Variants in TCFL5 observed in about 807,000 individuals in gnomAD.
The protein encoded by TCFL5 is transcription factor like 5.
In TCFL5, 9 loss-of-function variants were observed where a neutral mutation model predicts 44.3. The observed-to-expected ratio is 0.20, with a 90% CI of 0.12 to 0.35. TCFL5 has a LOEUF of 0.35. Ranked by LOEUF, TCFL5 falls within the 10% of genes least tolerant of loss-of-function variation. TCFL5 has a pLI of 1.00. For missense variants in TCFL5, 603 were observed against 613.4 expected, an observed-to-expected ratio of 0.98 and a Z score of 0.18; for synonymous variants, 319 against 271.6, an observed-to-expected ratio of 1.17 and a Z score of -1.72.
chr20:62,859,977 G>T, intron 2 of TCFL5, 148 bp downstream of exon 2: 1 of 756,304 alleles, frequency 1.3e-6, no homozygotes, highest in East Asian at 2.6e-5. Context: ...CCAAAGTGCT[G>T]GGATTACAGG....
At chr20:62,844,186 G>A (rs73918821) in intron 5 of TCFL5, among the ~76,000 whole-genome samples, 282 of 152,230 alleles carry the variant, frequency 1.9e-3, no homozygotes, top group African/African-American at 6.4e-3. Flanking sequence ...CACCCCCAGC[G>A]GCAAAGCACA....
Position 62,861,690 on chromosome 20 carries a change from A to G in TCFL5, c.-20T>C, listed in dbSNP as rs1399329558. 4.1e-6 allele frequency: 1 copy of G among 243,700 alleles called. No individual in the cohort carries two copies. The highest frequency in any genetic ancestry group is 2.4e-5 in the African/African-American group (1 of 41,594). The allele number at this position is 243,700 out of a possible 1,614,324, so 15.1% of individuals were successfully genotyped here. A position where few individuals can be genotyped will look rare whatever the true frequency, so the allele number is the denominator to read the frequency against. Reference sequence around the variant, plus strand: ...CGACATGGCGGCGCGGCGCGGCCCAACGGCGGCGAGGGCGACGCGGGCGGC... The same window carrying G: ...CGACATGGCGGCGCGGCGCGGCCCAGCGGCGGCGAGGGCGACGCGGGCGGC... On this transcript the variant is annotated 5_prime_UTR_variant, in exon 1 of 6. Transcript: ENST00000335351. The surrounding 1 kb of genome is among the most constrained non-coding windows in gnomAD (Gnocchi z 4.0).
chr20:62,857,705 T>A (rs1343844296), intron 3 of TCFL5, 67 bp from the exon 4 acceptor site: 1 of 1,550,764 alleles, frequency 6.4e-7, no homozygotes, highest in Non-Finnish European at 8.7e-7. Flanking sequence ...CTGAATACAG[T>A]TTTGGCCTTT....
At chr20:62,850,278 T>C (rs1260736990) in intron 5 of TCFL5, among the ~76,000 whole-genome samples, 2 of 152,150 alleles carry the variant, frequency 1.3e-5, no homozygotes, top group South Asian at 2.1e-4. Flanking sequence ...CTATGTTCAC[T>C]AGAAAACGAA....
Position 62,842,849 on chromosome 20 carries a change from A to G in TCFL5, c.1381-752T>C, listed in dbSNP as rs1335530926. Among the ~76,000 whole-genome samples the G allele has an allele frequency of 6.6e-6, 1 of 152,232 alleles. No individual in the cohort carries two copies. The highest frequency in any genetic ancestry group is 1.5e-5 in the Non-Finnish European group (1 of 68,042). On this transcript the variant is annotated intron_variant, in intron 5 of 5. Coordinates refer to ENST00000335351, the MANE Select transcript of TCFL5 (RefSeq NM_006602.4). This position sits in a 1 kb window ranked among gnomAD's most constrained non-coding sequence, Gnocchi z 4.3. The stretch of plus-strand genomic sequence containing the variant: ...CCAGGGCGACTGCCTTGCCCTCTGC[A>G]CTGCCACACACTCAGGGTTCCAAGG...
intron 4 of TCFL5, among the ~76,000 whole-genome samples, chr20:62,855,573 C>G (rs1432615742): frequency 6.6e-6 from 1 of 152,152 alleles, no homozygotes; most frequent in African/African-American, 2.4e-5. Context: ...TCGAGACCAG[C>G]CTGACCAACA....
intron 5 of TCFL5, chr20:62,852,863 A>C (rs1304146400): frequency 7.8e-7 from 1 of 1,289,404 alleles, no homozygotes; most frequent in African/African-American, 1.5e-5. Context: ...ATGTTCACCC[A>C]GTCCATGGAA....
At chr20:62,858,769 G>A (rs2063936429) in intron 3 of TCFL5, among the ~76,000 whole-genome samples, 1 of 84,990 alleles carries the variant, frequency 1.2e-5, no homozygotes, top group Non-Finnish European at 2.3e-5. Flanking sequence ...GTGTTTCCCA[G>A]GGAGGAAGGG....
intron 5 of TCFL5, among the ~76,000 whole-genome samples, chr20:62,849,765 C>A (rs1386026915): frequency 2.0e-5 from 3 of 152,006 alleles, no homozygotes; most frequent in Non-Finnish European, 4.4e-5. Context: ...ATGAGACCAG[C>A]CTGTGAAACA....
Position 62,861,533 on chromosome 20 carries a change from C to T in TCFL5, c.138G>A (p.Leu46=), listed in dbSNP as rs758939781. ...GLSFTTTDLS[L]VEMTEVEYTQ... is the part of the protein sequence containing the mutation. ...TGTACTCCACCTCCGTCATCTCCACCAGGCTCAGGTCGGTGGTCGTGAAGC... is the reference window on the plus strand; with the variant it reads ...TGTACTCCACCTCCGTCATCTCCACTAGGCTCAGGTCGGTGGTCGTGAAGC... The change falls in exon 1 of 6, where the codon CTG becomes CTA. Residue 46 remains leucine, a synonymous_variant. Coordinates refer to ENST00000335351, the MANE Select transcript of TCFL5 (RefSeq NM_006602.4). This position sits in a 1 kb window ranked among gnomAD's most constrained non-coding sequence, Gnocchi z 4.0. 4.3e-6 allele frequency: 5 copies of T among 1,168,492 alleles called. No individual in the cohort carries two copies. The South Asian group carries it at 1.2e-4, about 28-fold the overall frequency. The allele number at this position is 1,168,492 out of a possible 1,614,324, so 72.4% of individuals were successfully genotyped here. A position where few individuals can be genotyped will look rare whatever the true frequency, so the allele number is the denominator to read the frequency against.
intron 5 of TCFL5, among the ~76,000 whole-genome samples, chr20:62,853,198 T>TCACCCAGTCCACAGAAGTATATG (rs879567652): frequency 9.9e-5 from 15 of 151,068 alleles, no homozygotes; most frequent in South Asian, 2.1e-4. Context: ...AGAAGTATAG[T>TCACCCAGTCCACAGAAGTATATG]CACCCAGTCC....
chr20:62,861,344 C>A lies in TCFL5; in HGVS notation c.327G>T (p.Leu109=). The change falls in exon 1 of 6, where the codon CTG becomes CTT. Residue 109 remains leucine, a synonymous_variant. Coordinates refer to ENST00000335351, the MANE Select transcript of TCFL5 (RefSeq NM_006602.4). This position sits in a 1 kb window ranked among gnomAD's most constrained non-coding sequence, Gnocchi z 4.0. ...QGGAAPVYPV[L]CPSALAADAP... ...CGTCGGCCGCCAGCGCGGACGGGCACAGCACGGGGTACACGGGCGCCGCGC... is the reference window on the plus strand; with the variant it reads ...CGTCGGCCGCCAGCGCGGACGGGCAAAGCACGGGGTACACGGGCGCCGCGC... 8.9e-7 allele frequency: 1 copy of A among 1,119,330 alleles called. No individual in the cohort carries two copies. The highest frequency in any genetic ancestry group is 1.1e-6 in the Non-Finnish European group (1 of 910,028). 69.3% of individuals were successfully genotyped at this position (1,119,330 alleles called of 1,614,324 possible).
At chr20:62,844,264 C>A (rs1469908803) in intron 5 of TCFL5, among the ~76,000 whole-genome samples, 4 of 152,180 alleles carry the variant, frequency 2.6e-5, no homozygotes, top group African/African-American at 9.7e-5. Context: ...TTTTGAATAG[C>A]CATCCTAGTA....
chr20:62,844,484 C>T (rs1441066032), intron 5 of TCFL5, among the ~76,000 whole-genome samples: 1 of 152,072 alleles, frequency 6.6e-6, no homozygotes, highest in East Asian at 1.9e-4. Context: ...ATCCACGGCT[C>T]ACTGCAGGCT....
chr20:62,861,129 G>T lies in TCFL5; in HGVS notation c.542C>A (p.Pro181Gln), dbSNP rs1054844996. ...PDGAPEARAKPAVRVRLEDRF... is the reference protein window; with the variant it reads ...PDGAPEARAKQAVRVRLEDRF... ...GTCCTCCAGGCGGACGCGCACGGCCGGCTTGGCCCGGGCCTCGGGCGCGCC... is the reference window on the plus strand; with the variant it reads ...GTCCTCCAGGCGGACGCGCACGGCCTGCTTGGCCCGGGCCTCGGGCGCGCC... The change falls in exon 1 of 6, where the codon CCG (proline) becomes CAG (glutamine). Residue 181 changes from proline to glutamine, a missense_variant. Pro to Gln is a moderately conservative substitution (Grantham distance 76, BLOSUM62 -1). Coordinates refer to ENST00000335351, the MANE Select transcript of TCFL5 (RefSeq NM_006602.4). This position sits in a 1 kb window ranked among gnomAD's most constrained non-coding sequence, Gnocchi z 4.0. 11 of 1,000,676 alleles carry T rather than the reference G, an allele frequency of 1.1e-5. No homozygotes were observed. The highest frequency in any genetic ancestry group is 1.3e-5 in the Non-Finnish European group (11 of 842,158). The allele number at this position is 1,000,676 out of a possible 1,614,324, so 62.0% of individuals were successfully genotyped here.
chr20:62,843,312 G>A (rs572243982), intron 5 of TCFL5, among the ~76,000 whole-genome samples: 1 of 152,332 alleles, frequency 6.6e-6, no homozygotes, highest in African/African-American at 2.4e-5. Flanking sequence ...GGGTAATAAG[G>A]AGTGAAGGCT....
At chr20:62,853,541 G>A (rs1399664273) in intron 5 of TCFL5, among the ~76,000 whole-genome samples, 2 of 152,142 alleles carry the variant, frequency 1.3e-5, no homozygotes, top group African/African-American at 2.4e-5. Context: ...AGTAGAGATG[G>A]GGTCTTGCCA....
intron 5 of TCFL5, among the ~76,000 whole-genome samples, chr20:62,848,092 G>A (rs1436796735): frequency 1.3e-5 from 2 of 152,376 alleles, no homozygotes; most frequent in East Asian, 1.9e-4. Flanking sequence ...GAAAGGAGGA[G>A]AGAAGGGACA....
At position 62,841,568 on chromosome 20, in the gene TCFL5, C is replaced by T. The variant is rs1273062801; in HGVS notation, c.*407G>A. 1 of 156,354 alleles carries T rather than the reference C, an allele frequency of 6.4e-6. No individual in the cohort carries two copies. The highest frequency in any genetic ancestry group is 1.4e-5 in the Non-Finnish European group (1 of 70,818). 9.7% of individuals were successfully genotyped at this position (156,354 alleles called of 1,614,324 possible). A position where few individuals can be genotyped will look rare whatever the true frequency, so the allele number is the denominator to read the frequency against. ...TTTTTAGTTAACAATTTAACTTGTT[C>T]CAATTGCTAAAGGGGCATATTTAAA... On this transcript the variant is annotated 3_prime_UTR_variant, in exon 6 of 6. Coordinates refer to ENST00000335351, the MANE Select transcript of TCFL5 (RefSeq NM_006602.4).
Sources: allele counts gnomAD v4.1 joint callset (sites outside exome capture counted in the v4.1 genomes callset), GRCh38; gene constraint gnomAD v4.1.1; non-coding constraint Gnocchi (gnomAD v3.1); transcripts MANE v1.5; gene names NCBI Gene and HGNC (gene_info 2026-07-23, HGNC 2026-07-21).